Variants in PPM1H observed in about 807,000 individuals in gnomAD.
PPM1H encodes the protein protein phosphatase 1H.
In PPM1H, 27 loss-of-function variants were observed where a neutral mutation model predicts 54.9. That is an observed-to-expected ratio of 0.49 (90% CI 0.36 to 0.68). PPM1H has a LOEUF of 0.68. Ranked by LOEUF, PPM1H falls within the 30% of genes least tolerant of loss-of-function variation. The pLI, the probability that PPM1H is intolerant of heterozygous loss-of-function variation, is 0.00. For missense variants in PPM1H, 596 were observed against 667.8 expected, an observed-to-expected ratio of 0.89 and a Z score of 1.19; for synonymous variants, 305 against 270.8, an observed-to-expected ratio of 1.13 and a Z score of -1.24.
Position 62,844,372 on chromosome 12 carries a change from A to AG in PPM1H, c.246-12094dup, listed in dbSNP as rs558058925. The stretch of plus-strand genomic sequence containing the variant: ...AGGAGAAATAATGTTCTGAGGGGCA[A>AG]GGGGGGCGTCTTATCTCTGATGCTG... On this transcript the variant is annotated intron_variant, in intron 1 of 9. Transcript: ENST00000228705. The surrounding 1 kb of genome is among the most constrained non-coding windows in gnomAD (Gnocchi z 5.2). 1.2e-4 allele frequency among the ~76,000 whole-genome samples: 19 copies of AG among 152,268 alleles called. No individual in the cohort carries two copies. In the East Asian group the frequency reaches 3.3e-3, roughly 26 times the overall value.
chr12:62,777,400 G>A lies in PPM1H; in HGVS notation c.869+10826C>T, dbSNP rs149197984. Among the ~76,000 whole-genome samples the A allele has an allele frequency of 1.0e-3, 156 of 152,284 alleles. 1 individual carries two copies. In the East Asian group the frequency reaches 0.025, roughly 24 times the overall value. ...CAGAGACCTCATCTGCCTACTTCAC[G>A]GTAGCTTCCCCAGCACAGTGCCCAG... On this transcript the variant is annotated intron_variant, in intron 4 of 9. Transcript: ENST00000228705.
At chr12:62,855,062 T>C (rs1353561065) in intron 1 of PPM1H, among the ~76,000 whole-genome samples, 1 of 152,120 alleles carries the variant, frequency 6.6e-6, no homozygotes, top group African/African-American at 2.4e-5. Context: ...GCCACTGTGT[T>C]AGAATGCTCT....
chr12:62,680,002 G>A (rs190283866), intron 8 of PPM1H, among the ~76,000 whole-genome samples: 13 of 152,318 alleles, frequency 8.5e-5, no homozygotes, highest in African/African-American at 2.4e-4. Flanking sequence ...TCTCCAGGAT[G>A]ACTGCCATCA....
At chr12:62,779,303 T>C (rs1040228703) in intron 4 of PPM1H, among the ~76,000 whole-genome samples, 10 of 152,158 alleles carry the variant, frequency 6.6e-5, no homozygotes, top group African/African-American at 2.4e-4. Flanking sequence ...TGCCTCGGCC[T>C]CCCAAAGTGC....
At chr12:62,800,729 G>T (rs1592605609) in intron 3 of PPM1H, among the ~76,000 whole-genome samples, 1 of 152,162 alleles carries the variant, frequency 6.6e-6, no homozygotes, top group Admixed American at 6.5e-5. Flanking sequence ...TTATCTGTAT[G>T]CAGGCTGCCG....
At chr12:62,823,142 T>C (rs141858619) in intron 2 of PPM1H, among the ~76,000 whole-genome samples, 2,115 of 152,046 alleles carry the variant, frequency 0.014, 25 homozygotes, top group Middle Eastern at 0.031. Context: ...CTAGAAAATA[T>C]AGAAAAATGG....
In PPM1H at chr12:62,928,144, A is replaced by G. The variant is rs549179310; in HGVS notation, c.245+6348T>C. ...ACACACAGGACTAGCTCAACAAATG[A>G]CTATTGCATTTAGCAATTTTTAATG... On this transcript the variant is annotated intron_variant, in intron 1 of 9. Transcript: ENST00000228705. Among the ~76,000 whole-genome samples the G allele has an allele frequency of 1.1e-4, 17 of 152,360 alleles. No individual in the cohort carries two copies. In the East Asian group the frequency reaches 1.3e-3, roughly 12 times the overall value.
chr12:62,919,361 T>A (rs748733791), intron 1 of PPM1H, among the ~76,000 whole-genome samples: 2 of 151,276 alleles, frequency 1.3e-5, no homozygotes, highest in Non-Finnish European at 2.9e-5. Context: ...AGTCCTAGCC[T>A]GTGGTCCAGG....
intron 8 of PPM1H, among the ~76,000 whole-genome samples, chr12:62,686,441 A>T (rs1405990467): frequency 2.0e-5 from 3 of 152,198 alleles, no homozygotes; most frequent in African/African-American, 7.2e-5. Flanking sequence ...TTATCTGACA[A>T]ATGCCTCTCT....
intron 2 of PPM1H, among the ~76,000 whole-genome samples, chr12:62,809,904 C>T (rs2076824889): frequency 6.6e-6 from 1 of 152,046 alleles, no homozygotes; most frequent in Admixed American, 6.6e-5. Context: ...AAACACTGAT[C>T]CCTATCTCTC....
chr12:62,780,412 T>A (rs1464451932), intron 4 of PPM1H, among the ~76,000 whole-genome samples: 1 of 152,240 alleles, frequency 6.6e-6, no homozygotes, highest in Non-Finnish European at 1.5e-5. Flanking sequence ...GTGGTCCTCC[T>A]GCCTCAGCCT....
chr12:62,748,529 A>AACACACACACACACACACACACACACAC (rs3052402), intron 4 of PPM1H, among the ~76,000 whole-genome samples: 3 of 147,290 alleles, frequency 2.0e-5, no homozygotes, highest in African/African-American at 7.6e-5. Context: ...TTCAGTGTAG[A>AACACACACACACACACACACACACACAC]ACACACACAC....
At chr12:62,768,070 A>T (rs559371725) in intron 4 of PPM1H, among the ~76,000 whole-genome samples, 2 of 152,230 alleles carry the variant, frequency 1.3e-5, no homozygotes, top group South Asian at 4.1e-4. Context: ...TAACTTTTTG[A>T]GGGAACATAA....
chr12:62,895,145 G>A (rs1870938025), intron 1 of PPM1H, among the ~76,000 whole-genome samples: 1 of 152,142 alleles, frequency 6.6e-6, no homozygotes, highest in Non-Finnish European at 1.5e-5. Flanking sequence ...ATTTAGCGGG[G>A]CATCCCCAGA....
At chr12:62,729,103 C>T (rs145027411) in intron 5 of PPM1H, among the ~76,000 whole-genome samples, 1 of 152,196 alleles carries the variant, frequency 6.6e-6, no homozygotes, top group East Asian at 1.9e-4. Flanking sequence ...GTTTGGGGCT[C>T]AAAGAACACA....
intron 4 of PPM1H, among the ~76,000 whole-genome samples, chr12:62,740,867 G>A (rs527560330): frequency 6.6e-6 from 1 of 152,342 alleles, no homozygotes; most frequent in South Asian, 2.1e-4. Context: ...CAGGTTGCAT[G>A]CTCACAAAGA....
At chr12:62,743,619 TA>T (rs2076394383) in intron 4 of PPM1H, among the ~76,000 whole-genome samples, 1 of 151,976 alleles carries the variant, frequency 6.6e-6, no homozygotes, top group South Asian at 2.1e-4. Context: ...CAATTTTTCT[TA>T]AAGGGATCAT....
At chr12:62,857,600 C>G (rs1869437650) in intron 1 of PPM1H, among the ~76,000 whole-genome samples, 1 of 152,144 alleles carries the variant, frequency 6.6e-6, no homozygotes, top group African/African-American at 2.4e-5. Context: ...GATGATGCCT[C>G]AGGAACAGAT....
At chr12:62,889,622 C>T (rs1870713721) in intron 1 of PPM1H, among the ~76,000 whole-genome samples, 1 of 152,156 alleles carries the variant, frequency 6.6e-6, no homozygotes, top group Admixed American at 6.5e-5. Context: ...AATAGACCCA[C>T]ATAAATACAG....
Sources: gnomAD v4.1 joint callset for allele counts (sites outside exome capture counted in the v4.1 genomes callset) on GRCh38, gnomAD v4.1.1 for gene constraint, Gnocchi (gnomAD v3.1) non-coding constraint, MANE v1.5 for transcripts, NCBI Gene and HGNC (gene_info 2026-07-23, HGNC 2026-07-21) for gene names.